The following TMPO variants were observed in gnomAD, a reference collection of about 807,000 sequenced individuals.
TMPO encodes the protein thymopoietin.
TMPO carries 22 observed loss-of-function variants against 45.4 expected under a neutral mutation model. The observed-to-expected ratio is 0.48, with a 90% CI of 0.35 to 0.69. The LOEUF (loss-of-function observed/expected upper bound fraction) is 0.69, where lower values mean the gene tolerates loss of function less well. Ranked by LOEUF, TMPO falls within the 30% of genes least tolerant of loss-of-function variation. The pLI, the probability that TMPO is intolerant of heterozygous loss-of-function variation, is 0.01. For synonymous variants in TMPO, 241 were observed against 204.1 expected (o/e 1.18, Z -1.54); for missense variants, 512 against 548.8 (o/e 0.93, Z 0.67).
intron 1 of TMPO, among the ~76,000 whole-genome samples, chr12:98,523,475 T>C (rs1876530726): frequency 1.3e-5 from 2 of 151,908 alleles, no homozygotes; most frequent in African/African-American, 4.8e-5. Context: ...GGAGAATCTC[T>C]TGAACCTGGG....
At chr12:98,519,968 T>C (rs933020964) in intron 1 of TMPO, among the ~76,000 whole-genome samples, 2 of 152,152 alleles carry the variant, frequency 1.3e-5, no homozygotes, top group African/African-American at 4.8e-5. Context: ...TTTTTTCTTT[T>C]TCTTTTTTTG....
At chr12:98,541,353 T>G (rs957047019) in intron 4 of TMPO, among the ~76,000 whole-genome samples, 2 of 152,190 alleles carry the variant, frequency 1.3e-5, no homozygotes, top group African/African-American at 4.8e-5. Flanking sequence ...GAATTAATGG[T>G]GATATTTCAA....
At chr12:98,516,573 CAG>C (rs2121100195) in intron 1 of TMPO, 1 of 1,002,446 alleles carries the variant, frequency 1.0e-6, no homozygotes, top group South Asian at 4.7e-5. Flanking sequence ...AGCAGAGTCT[CAG>C]AGCGCTCCCT....
At chr12:98,544,914 G>T in intron 6 of TMPO, 37 bp from the exon 7 acceptor site, 1 of 1,395,212 alleles carries the variant, frequency 7.2e-7, no homozygotes, top group South Asian at 1.2e-5. Flanking sequence ...TGTTATGTTT[G>T]GATAATTCTG....
chr12:98,549,476 G>A lies in TMPO; in HGVS notation c.*1618G>A, dbSNP rs1399046047. 6.6e-6 allele frequency: 1 copy of A among 152,004 alleles called. No individual in the cohort carries two copies. 9.4% of individuals were successfully genotyped at this position (152,004 alleles called of 1,614,324 possible). On this transcript the variant is annotated 3_prime_UTR_variant, in exon 9 of 9. Coordinates refer to ENST00000556029, the MANE Select transcript of TMPO (RefSeq NM_001032283.3). ...TGCACCCGGCCGGCATTATGATTTT[G>A]TGTACTCTTGAAATGGTTATCTTTG...
chr12:98,535,985 G>A (rs1245168558), intron 3 of TMPO, among the ~76,000 whole-genome samples: 1 of 152,154 alleles, frequency 6.6e-6, no homozygotes, highest in East Asian at 1.9e-4. Context: ...ATTGCTGGGG[G>A]TTGTACCAAA....
intron 1 of TMPO, among the ~76,000 whole-genome samples, chr12:98,523,236 G>A (rs984452295): frequency 6.6e-6 from 1 of 151,916 alleles, no homozygotes; most frequent in African/African-American, 2.4e-5. Flanking sequence ...CACTTTTCTG[G>A]AACTTTTTTC....
chr12:98,535,224 T>A (rs901043767), intron 3 of TMPO: 1 of 983,992 alleles, frequency 1.0e-6, no homozygotes, highest in East Asian at 1.1e-4. Context: ...TCATGATATA[T>A]TGTATTTTGT....
chr12:98,539,471 C>CTTT (rs398039980), intron 4 of TMPO, among the ~76,000 whole-genome samples: 8,662 of 123,340 alleles, frequency 0.07, 510 homozygotes, highest in East Asian at 0.21. Context: ...TTTTAAATTA[C>CTTT]TTTTTTTTTT....
Position 98,533,986 on chromosome 12 carries a change from G to A in TMPO, c.565+2148G>A, listed in dbSNP as rs757157596. 1.2e-6 allele frequency: 2 copies of A among 1,609,414 alleles called. No individual in the cohort carries two copies. The highest frequency in any genetic ancestry group is 1.7e-6 in the Non-Finnish European group (2 of 1,176,602). Reference sequence around the variant, plus strand: ...ACTCTGTAGAGCATATGAAGCTGCAGCATCAGCATTGCAGATTGCAACTCA... The same window carrying A: ...ACTCTGTAGAGCATATGAAGCTGCAACATCAGCATTGCAGATTGCAACTCA... On this transcript the variant is annotated intron_variant, in intron 3 of 8. Coordinates refer to ENST00000556029, the MANE Select transcript of TMPO (RefSeq NM_001032283.3).
At chr12:98,539,907 C>T (rs1877812228) in intron 4 of TMPO, among the ~76,000 whole-genome samples, 1 of 152,200 alleles carries the variant, frequency 6.6e-6, no homozygotes, top group Non-Finnish European at 1.5e-5. Flanking sequence ...ATTCCAGTGA[C>T]AATGCCAATA....
intron 1 of TMPO, among the ~76,000 whole-genome samples, chr12:98,520,309 C>CCTTCCG (rs1555202290): frequency 1.4e-5 from 2 of 145,020 alleles, no homozygotes; most frequent in Admixed American, 6.9e-5. Flanking sequence ...TTCCTTCCTT[C>CCTTCCG]TGTGTGTGTG....
rs1878301705 is a variant in TMPO, at chr12:98,547,583, C to T, written c.1090C>T (p.Arg364Cys). 2 of 1,614,036 alleles carry T rather than the reference C, an allele frequency of 1.2e-6. No individual in the cohort carries two copies. The highest frequency in any genetic ancestry group is 8.5e-7 in the Non-Finnish European group (1 of 1,179,990). ...TTTCACTCCCAACAGTGCTAGTTGCCGCAGACCAATCAAAGGGGCTGCAGG... is the reference window on the plus strand; with the variant it reads ...TTTCACTCCCAACAGTGCTAGTTGCTGCAGACCAATCAAAGGGGCTGCAGG... ...STPTGISASCRRPIKGAAGRP... is the reference protein window; with the variant it reads ...STPTGISASCCRPIKGAAGRP... The change falls in exon 9 of 9, where the codon CGC becomes TGC. Residue 364 changes from arginine (R) to cysteine (C), a missense_variant. By Grantham distance (180) the Arg-to-Cys change is radical. This residue lies in a region of TMPO where 209 missense variants were observed against 235.1 expected (regional missense o/e 0.89). Coordinates refer to ENST00000556029, the MANE Select transcript of TMPO (RefSeq NM_001032283.3).
In TMPO at chr12:98,532,720, T is replaced by C. The variant is rs1321936413; in HGVS notation, c.565+882T>C. On this transcript the variant is annotated intron_variant, in intron 3 of 8. Coordinates refer to ENST00000556029, the MANE Select transcript of TMPO (RefSeq NM_001032283.3). ...CAGATTAGTTCAGAATATGAAATTA[T>C]AGTCTTTTCCTTTGACAGCACTATT... The C allele has an allele frequency of 3.2e-6, 5 of 1,557,514 alleles. No homozygotes were observed. The East Asian group carries it at 6.7e-5, about 21-fold the overall frequency.
chr12:98,532,691 C>G (rs1877280298), intron 3 of TMPO: 1 of 1,318,674 alleles, frequency 7.6e-7, no homozygotes, highest in Non-Finnish European at 1.1e-6. Context: ...CAGGGCAAAT[C>G]TGGCAGATTA....
chr12:98,521,842 G>T (rs1592932621), intron 1 of TMPO, among the ~76,000 whole-genome samples: 1 of 152,126 alleles, frequency 6.6e-6, no homozygotes, highest in South Asian at 2.1e-4. Context: ...TGATTCTCCT[G>T]CCTCAGCCTC....
chr12:98,526,301 T>C (rs1592937230), intron 1 of TMPO, among the ~76,000 whole-genome samples: 4 of 152,264 alleles, frequency 2.6e-5, no homozygotes, highest in Admixed American at 2.6e-4. Flanking sequence ...GAGTTTACAG[T>C]CCTGTCTCCT....
chr12:98,546,432 C>A lies in TMPO; in HGVS notation c.1064C>A (p.Thr355Lys). The change falls in exon 8 of 9, where the codon ACA becomes AAA. Residue 355 changes from threonine to lysine, a missense_variant. By Grantham distance (78) the Thr-to-Lys change is moderately conservative. Coordinates refer to ENST00000556029, the MANE Select transcript of TMPO (RefSeq NM_001032283.3). The part of the protein sequence containing the change: ...LKEMFPYEAS[T>K]PTGISASCRR... Reference sequence around the variant, plus strand: ...GAAATGTTCCCCTATGAAGCATCTACACCAACAGGAATTAGGTATTCAGAT... The same window carrying A: ...GAAATGTTCCCCTATGAAGCATCTAAACCAACAGGAATTAGGTATTCAGAT... 6.2e-7 allele frequency: 1 copy of A among 1,604,930 alleles called. No individual in the cohort carries two copies. The highest frequency in any genetic ancestry group is 8.5e-7 in the Non-Finnish European group (1 of 1,172,044).
At chr12:98,534,863 A>G (rs1184307565) in intron 3 of TMPO, 59 of 999,312 alleles carry the variant, frequency 5.9e-5, no homozygotes, top group East Asian at 1.0e-4. Flanking sequence ...TGCAACATCA[A>G]TCATAGTAGT....
Sources: gnomAD v4.1 joint callset for allele counts (sites outside exome capture counted in the v4.1 genomes callset) on GRCh38, gnomAD v4.1.1 for gene constraint, gnomAD v4.1.1 regional missense constraint, MANE v1.5 for transcripts, NCBI Gene and HGNC (gene_info 2026-07-23, HGNC 2026-07-21) for gene names.